Variants in FGF14 observed in about 807,000 individuals in gnomAD.
FGF14 encodes the protein fibroblast growth factor 14.
FGF14 carries 5 observed loss-of-function variants against 25.5 expected under a neutral mutation model. The observed-to-expected ratio is 0.20, with a 90% confidence interval of 0.10 to 0.41. FGF14 has a LOEUF of 0.41. Ranked by LOEUF, FGF14 falls within the 10% of genes least tolerant of loss-of-function variation. The pLI is 1.00. For synonymous variants in FGF14, 138 were observed against 118.3 expected, an observed-to-expected ratio of 1.17 and a Z score of -1.08; for missense variants, 222 against 320.1, an observed-to-expected ratio of 0.69 and a Z score of 2.34.
At chr13:101,871,108 T>C (rs548850794) in intron 2 of FGF14, among the ~76,000 whole-genome samples, 1 of 152,290 alleles carries the variant, frequency 6.6e-6, no homozygotes, top group East Asian at 1.9e-4. Flanking sequence ...GAACCGGTAC[T>C]AGTTAAAAAC....
chr13:102,244,377 G>C (rs2141040649), intron 1 of FGF14, among the ~76,000 whole-genome samples: 1 of 151,452 alleles, frequency 6.6e-6, no homozygotes, highest in East Asian at 1.9e-4. Flanking sequence ...CATCCTCTCT[G>C]GTTTCCTAGG....
intron 1 of FGF14, among the ~76,000 whole-genome samples, chr13:102,073,255 A>C (rs556280460): frequency 1.3e-4 from 20 of 152,332 alleles, no homozygotes; most frequent in African/African-American, 4.8e-4. Flanking sequence ...CCATCTCAAA[A>C]AAATTAATAA....
At chr13:101,880,135 C>T (rs1328500265) in intron 1 of FGF14, among the ~76,000 whole-genome samples, 1 of 152,162 alleles carries the variant, frequency 6.6e-6, no homozygotes, top group Non-Finnish European at 1.5e-5. Flanking sequence ...AGAGTGATTA[C>T]CCAACTCACG....
At chr13:102,149,969 A>T (rs2047011534) in intron 1 of FGF14, among the ~76,000 whole-genome samples, 2 of 152,220 alleles carry the variant, frequency 1.3e-5, no homozygotes, top group African/African-American at 4.8e-5. Context: ...CGAAGACAAA[A>T]ATCATTATAT....
chr13:101,936,550 T>C (rs2035118951), intron 1 of FGF14, among the ~76,000 whole-genome samples: 1 of 152,174 alleles, frequency 6.6e-6, no homozygotes, highest in Non-Finnish European at 1.5e-5. Flanking sequence ...TTCAACAGTT[T>C]GTGGGGATCA....
At chr13:101,744,790 C>G (rs1177091825) in intron 3 of FGF14, among the ~76,000 whole-genome samples, 1 of 151,948 alleles carries the variant, frequency 6.6e-6, no homozygotes, top group Non-Finnish European at 1.5e-5. Context: ...TTTCATTTTA[C>G]TTATTAACAC....
intron 3 of FGF14, among the ~76,000 whole-genome samples, chr13:101,768,422 C>T (rs1379627170): frequency 1.3e-5 from 2 of 152,096 alleles, no homozygotes; most frequent in African/African-American, 4.8e-5. Context: ...TCAATTCAAT[C>T]CCAATCAAAA....
chr13:102,374,644 TTATATATATATATATATATATATATA>T (rs55670716), intron 1 of FGF14, among the ~76,000 whole-genome samples: 76 of 49,350 alleles, frequency 1.5e-3, no homozygotes, highest in East Asian at 5.2e-3. Context: ...CTTACATATT[TTATATATATATATATATATATATATA>T]TATATATATA....
chr13:101,901,083 A>G (rs937619319), intron 1 of FGF14, among the ~76,000 whole-genome samples: 4 of 152,206 alleles, frequency 2.6e-5, no homozygotes, highest in Non-Finnish European at 4.4e-5. Flanking sequence ...ATGGACAGAA[A>G]GAGGATTATA....
At chr13:102,108,630 G>C (rs552092648) in intron 1 of FGF14, among the ~76,000 whole-genome samples, 66 of 152,334 alleles carry the variant, frequency 4.3e-4, no homozygotes, top group African/African-American at 1.4e-3. Flanking sequence ...GATATGCATA[G>C]ATGCAAGGGT....
At chr13:101,918,596 C>A (rs894301751), upstream of FGF14, among the ~76,000 whole-genome samples, 18 of 152,212 alleles carry the variant, frequency 1.2e-4, no homozygotes, top group South Asian at 2.1e-4. Flanking sequence ...GTACTCGCCA[C>A]CAGGCAACTG....
chr13:101,963,596 G>A (rs1230493280), intron 1 of FGF14, among the ~76,000 whole-genome samples: 1 of 152,082 alleles, frequency 6.6e-6, no homozygotes, highest in Non-Finnish European at 1.5e-5. Flanking sequence ...ATAAATGCAT[G>A]AGCTCCTGAC....
chr13:102,379,353 C>A (rs74357692), intron 1 of FGF14, among the ~76,000 whole-genome samples: 6,327 of 151,796 alleles, frequency 0.042, 466 homozygotes, highest in African/African-American at 0.15. Flanking sequence ...AGCAAAGGTA[C>A]ATATGTTTTA....
At position 102,221,461 on chromosome 13, in the gene FGF14, A is replaced by T. The variant is rs868520905; in HGVS notation, c.208+180010T>A. 7.9e-5 allele frequency among the ~76,000 whole-genome samples: 12 copies of T among 152,334 alleles called. 1 individual carries two copies. The highest frequency in any genetic ancestry group is 2.4e-4 in the African/African-American group (10 of 41,580). On this transcript the variant is annotated intron_variant, in intron 1 of 4. Transcript: ENST00000376131. ...CTCTGCTCCACAGAAAGGGATCCGA[A>T]AAACAAGCTAGAATCCTGTCCTTAA...
chr13:102,124,638 T>C (rs1245141694), intron 1 of FGF14, among the ~76,000 whole-genome samples: 1 of 152,090 alleles, frequency 6.6e-6, no homozygotes, highest in African/African-American at 2.4e-5. Flanking sequence ...AGTCCTCTGA[T>C]GGGCCAGATG....
chr13:102,085,081 G>A (rs2043828563), intron 1 of FGF14, among the ~76,000 whole-genome samples: 1 of 152,172 alleles, frequency 6.6e-6, no homozygotes, highest in South Asian at 2.1e-4. Context: ...CATTAACAAG[G>A]AGTATAATTG....
intron 3 of FGF14, among the ~76,000 whole-genome samples, chr13:101,821,383 T>C (rs1594374160): frequency 6.6e-6 from 1 of 152,244 alleles, no homozygotes; most frequent in African/African-American, 2.4e-5. Context: ...TGTGTTACTT[T>C]CACTGCTGTG....
chr13:101,997,730 G>A (rs547191557), intron 1 of FGF14, among the ~76,000 whole-genome samples: 60 of 152,304 alleles, frequency 3.9e-4, no homozygotes, highest in Admixed American at 1.2e-3. Flanking sequence ...AGTCTACAGA[G>A]TTTGGGAGTT....
rs11410391 is a variant in FGF14 at position 101,968,673 on chromosome 13, C to CAAAAAA, written c.209-93383_209-93378dup. Among the ~76,000 whole-genome samples, 76 of 79,010 alleles carry CAAAAAA rather than the reference C, an allele frequency of 9.6e-4. 3 individuals carry two copies. Among genetic ancestry groups the CAAAAAA allele is most frequent in the African/African-American group, 2.0e-3 (46 of 22,766 alleles). 51.8% of individuals were successfully genotyped at this position (79,010 alleles called of 152,430 possible). On this transcript the variant is annotated intron_variant, in intron 1 of 4. Coordinates refer to the FGF14 transcript ENST00000376131. ...GGGCGACAGAGCGAGACTCCGTCTC[C>CAAAAAA]AAAAAAAAAAAAAAAAACCTCAATA... is the stretch of plus-strand genomic sequence containing the variant.
Sources: allele counts gnomAD v4.1 joint callset (sites outside exome capture counted in the v4.1 genomes callset), GRCh38; gene constraint gnomAD v4.1.1; transcripts MANE v1.5; gene names NCBI Gene and HGNC (gene_info 2026-07-23, HGNC 2026-07-21).